Variants in PLPPR3 observed in about 807,000 individuals in gnomAD.
PLPPR3 encodes phospholipid phosphatase related 3, also known as phospholipid phosphatase-related protein type 3.
In PLPPR3, 14 loss-of-function variants were observed where a neutral mutation model predicts 27.3. The ratio of observed to expected loss-of-function variants is 0.51; its 90% CI spans 0.34 to 0.80. The LOEUF (loss-of-function observed/expected upper bound fraction) is 0.80, where lower values mean the gene tolerates loss of function less well. Among genes scored for constraint, PLPPR3 ranks in the 30% least tolerant of loss-of-function variants. The pLI, the probability that PLPPR3 is intolerant of heterozygous loss-of-function variation, is 0.01. For missense variants in PLPPR3, 1,287 were observed against 1,056.9 expected, an observed-to-expected ratio of 1.22 and a Z score of -3.02; for synonymous variants, 671 against 508.0, an observed-to-expected ratio of 1.32 and a Z score of -4.32.
chr19:822,280 G>C (rs1327699906), upstream of PLPPR3, among the ~76,000 whole-genome samples: 1 of 151,384 alleles, frequency 6.6e-6, no homozygotes, highest in Non-Finnish European at 1.5e-5. Context: ...GGGCGCCATC[G>C]AGACGGGGGC....
chr19:821,582 G>T lies in PLPPR3; in HGVS notation c.-23C>A. 2 of 1,467,662 alleles carry T rather than the reference G, an allele frequency of 1.4e-6. No homozygotes were observed. Among genetic ancestry groups the T allele is most frequent in the South Asian group, 1.3e-5 (1 of 76,676 alleles). 90.9% of individuals were successfully genotyped at this position (1,467,662 alleles called of 1,614,324 possible). On this transcript the variant is annotated 5_prime_UTR_variant, in exon 2 of 8. Coordinates refer to ENST00000520876, the MANE Select transcript of PLPPR3 (RefSeq NM_001270366.2). ...CATGGTGCCGCGGGCGCCGCAGGCC[G>T]TGGCTGGAGGGGAGAAAGCGGCGCT...
chr19:821,474 C>T lies in PLPPR3; in HGVS notation c.75+11G>A, dbSNP rs780644488. 6.6e-7 allele frequency: 1 copy of T among 1,510,078 alleles called. No individual in the cohort carries two copies. The highest frequency in any genetic ancestry group is 1.2e-5 in the South Asian group (1 of 80,158). 93.5% of individuals were successfully genotyped at this position (1,510,078 alleles called of 1,614,324 possible). The stretch of plus-strand genomic sequence containing the variant: ...GCGTCTCCCCCGGGCCCCAGCGCGA[C>T]CCCCACCCACCTCCACGAAGTAGAA... On this transcript the variant is annotated intron_variant, in intron 2 of 7. Coordinates refer to ENST00000520876, the MANE Select transcript of PLPPR3 (RefSeq NM_001270366.2).
intron 2 of PLPPR3, among the ~76,000 whole-genome samples, chr19:818,835 C>T (rs1172396112): frequency 1.3e-5 from 2 of 151,832 alleles, no homozygotes; most frequent in African/African-American, 4.8e-5. Context: ...GCACAGCCTA[C>T]TAAAAATGAT....
Position 812,506 on chromosome 19 carries a change from T to G in PLPPR3, c.*64A>C. ...CCGGACCTCGGTTTCTGCCGCTTTA[T>G]TGAGCATCCGCGCGGCCGCCCGCGC... On this transcript the variant is annotated 3_prime_UTR_variant, in exon 8 of 8. Coordinates refer to ENST00000520876, the MANE Select transcript of PLPPR3 (RefSeq NM_001270366.2). 2 of 984,272 alleles carry G rather than the reference T, an allele frequency of 2.0e-6. No individual in the cohort carries two copies. The highest frequency in any genetic ancestry group is 2.4e-6 in the Non-Finnish European group (2 of 827,368). 61.0% of individuals were successfully genotyped at this position (984,272 alleles called of 1,614,324 possible). A position where few individuals can be genotyped will look rare whatever the true frequency, so the allele number is the denominator to read the frequency against.
At chr19:817,645 G>A (rs1017119574) in intron 2 of PLPPR3, among the ~76,000 whole-genome samples, 1 of 152,186 alleles carries the variant, frequency 6.6e-6, no homozygotes, top group Admixed American at 6.5e-5. Context: ...CAGTCCTGGG[G>A]AGGGCACAGG....
At chr19:821,008 C>A (rs746656164) in intron 2 of PLPPR3, among the ~76,000 whole-genome samples, 1 of 152,212 alleles carries the variant, frequency 6.6e-6, no homozygotes, top group African/African-American at 2.4e-5. Flanking sequence ...AACACGTTTC[C>A]GTATTCTGTA....
In PLPPR3 at chr19:812,615, GGCCTCC is replaced by G. The variant is rs904605825; in HGVS notation, c.2106_2111del (p.Ala704_Glu705del). ...CCTGCATCTTGCGGAAGTAGCCCTC[GGCCTCC>G]GCCTCCGCCTCGCGCTCCGCCAGCC... On this transcript the variant is annotated inframe_deletion, in exon 8 of 8. Transcript: ENST00000520876. The G allele has an allele frequency of 2.6e-5, 29 of 1,107,092 alleles. No homozygotes were observed. The highest frequency in any genetic ancestry group is 4.2e-4 in the Middle Eastern group (1 of 2,402). The allele number at this position is 1,107,092 out of a possible 1,614,324, so 68.6% of individuals were successfully genotyped here.
rs763059092 is a variant in PLPPR3 at position 814,464 on chromosome 19, G to A, written c.801C>T (p.Phe267=). The A allele has an allele frequency of 1.9e-6, 3 of 1,606,466 alleles. No individual in the cohort carries two copies. The highest frequency in any genetic ancestry group is 2.2e-5 in the South Asian group (2 of 91,022). Residue 267 remains phenylalanine (F), a synonymous_variant, in exon 7 of 8, where the codon TTC becomes TTT. Transcript: ENST00000520876. ...AGGCAGCGATGCCCGCCCCGATGAG[G>A]AAGCCGGCATACACGTCCACAGGGT... is the stretch of plus-strand genomic sequence containing the variant. ...RSHPVDVYAG[F]LIGAGIAAYL...
chr19:821,609 G>T, intron 1 of PLPPR3, 24 bp from the exon 2 acceptor site: 1 of 1,396,960 alleles, frequency 7.2e-7, no homozygotes, highest in Middle Eastern at 2.3e-4. Context: ...AGCGGCGCTG[G>T]AGGGGGGCGC....
rs1555701799 is a variant in PLPPR3, at chr19:813,347, GTCC to G, written c.1377_1379del (p.Glu459del). The G allele has an allele frequency of 2.4e-5, 35 of 1,474,440 alleles. No homozygotes were observed. The African/African-American group carries it at 2.8e-4, about 12-fold the overall frequency. 91.3% of individuals were successfully genotyped at this position (1,474,440 alleles called of 1,614,324 possible). Reference sequence around the variant, plus strand: ...AGAGCGAGGGCGGGGCCGGGCCCTCGTCCTCCTCCTCTTCCTCCTCCTCCTCTT... The same window carrying G: ...AGAGCGAGGGCGGGGCCGGGCCCTCGTCCTCCTCTTCCTCCTCCTCCTCTT... On this transcript the variant is annotated inframe_deletion, in exon 8 of 8. Transcript: ENST00000520876. This position sits in a 1 kb window ranked among gnomAD's most constrained non-coding sequence, Gnocchi z 4.1.
chr19:815,083 T>A lies in PLPPR3; in HGVS notation c.404-2A>T. 6.2e-7 allele frequency: 1 copy of A among 1,604,866 alleles called. No individual in the cohort carries two copies. The highest frequency in any genetic ancestry group is 1.7e-5 in the Admixed American group (1 of 59,948). On this transcript the variant is annotated splice_acceptor_variant, in intron 4 of 7. Transcript: ENST00000520876. LOFTEE classifies it high-confidence loss of function. ...CACACAGGCCGAACACGTGGACACC[T>A]GCAGGGCGGAAGGCTCGGCCAGGCG...
Position 813,814 on chromosome 19 carries a change from C to A in PLPPR3, c.913G>T (p.Ala305Ser). ...GAGTCGTGGCCCCGCTGCGTCAGGG[C>A]CCGCAGCGCGTCCTTGGCGGGGGCC... is the stretch of plus-strand genomic sequence containing the variant. ...APAPAKDALR[A>S]LTQRGHDSVY... Residue 305 changes from alanine to serine, a missense_variant, in exon 8 of 8, where the codon GCC (alanine) becomes TCC (serine). By Grantham distance (99) the Ala-to-Ser change is moderately conservative. Coordinates refer to ENST00000520876, the MANE Select transcript of PLPPR3 (RefSeq NM_001270366.2). The surrounding 1 kb of genome is among the most constrained non-coding windows in gnomAD (Gnocchi z 4.1). 1 of 1,510,060 alleles carries A rather than the reference C, an allele frequency of 6.6e-7. No individual in the cohort carries two copies. Among genetic ancestry groups the A allele is most frequent in the Non-Finnish European group, 8.8e-7 (1 of 1,136,026 alleles). The allele number at this position is 1,510,060 out of a possible 1,614,324, so 93.5% of individuals were successfully genotyped here.
intron 4 of PLPPR3, 50 bp downstream of exon 4, chr19:815,136 C>A (rs373598945): frequency 3.1e-6 from 5 of 1,600,618 alleles, no homozygotes; most frequent in East Asian, 2.2e-5. Flanking sequence ...GACAGCCCCA[C>A]CCCCTGCATG....
chr19:821,209 C>G (rs2035139228), intron 2 of PLPPR3, among the ~76,000 whole-genome samples: 1 of 147,930 alleles, frequency 6.8e-6, no homozygotes, highest in African/African-American at 2.5e-5. Flanking sequence ...CGACCCCCAG[C>G]CCCTCTGACC....
chr19:813,483 C>G lies in PLPPR3; in HGVS notation c.1244G>C (p.Ser415Thr), dbSNP rs1175392710. The G allele has an allele frequency of 2.6e-6, 4 of 1,546,428 alleles. No homozygotes were observed. Among genetic ancestry groups the G allele is most frequent in the Middle Eastern group, 1.8e-4 (1 of 5,568 alleles). ...KQLISEWKQK[S>T]LEGRGLGLPD... is the part of the protein sequence containing the mutation. ...CAGCCCCAGGCCGCGGCCCTCCAGG[C>G]TCTTCTGCTTCCACTCGCTGATGAG... The change falls in exon 8 of 8, where the codon AGC becomes ACC. Residue 415 changes from serine to threonine, a missense_variant. Ser to Thr is a moderately conservative substitution (Grantham distance 58). Transcript: ENST00000520876. The surrounding 1 kb of genome is among the most constrained non-coding windows in gnomAD (Gnocchi z 4.1).
intron 2 of PLPPR3, among the ~76,000 whole-genome samples, chr19:818,404 AAAT>A (rs931099007): frequency 2.3e-4 from 35 of 151,788 alleles, no homozygotes; most frequent in African/African-American, 5.6e-4. Flanking sequence ...ATAATAAATA[AAAT>A]AATAATAATA....
Position 815,267 on chromosome 19 carries a change from C to T in PLPPR3, c.322G>A (p.Gly108Arg). 1.3e-6 allele frequency: 2 copies of T among 1,560,442 alleles called. No homozygotes were observed. Among genetic ancestry groups the T allele is most frequent in the South Asian group, 2.3e-5 (2 of 85,410 alleles). The change falls in exon 4 of 8, where the codon GGG becomes AGG. Residue 108 changes from glycine (G) to arginine (R), a missense_variant. Physicochemically the swap from Gly to Arg is moderately radical, Grantham distance 125. Coordinates refer to ENST00000520876, the MANE Select transcript of PLPPR3 (RefSeq NM_001270366.2). ...ATGCTGCCCTCCGCCCCGGCGGGCC[C>T]CCCGGCACGGCCCCACAGCCGGGAC... is the stretch of plus-strand genomic sequence containing the variant. Reference protein sequence around the residue: ...LQSRLWGRAGGPAGAEGSINA... With the variant: ...LQSRLWGRAGRPAGAEGSINA...
upstream of PLPPR3, among the ~76,000 whole-genome samples, chr19:823,759 C>T (rs547237912): frequency 2.0e-5 from 3 of 152,100 alleles, no homozygotes; most frequent in Non-Finnish European, 2.9e-5. Context: ...CCATTCGATG[C>T]GATCCTGTTC....
Position 812,882 on chromosome 19 carries a change from GGCCTCCGCCTTGGCCCCGCCGCCC to G in PLPPR3, c.1821_1844del (p.Gly608_Ala615del). The G allele has an allele frequency of 8.2e-7, 1 of 1,216,512 alleles. No individual in the cohort carries two copies. The highest frequency in any genetic ancestry group is 1.0e-6 in the Non-Finnish European group (1 of 972,344). The allele number at this position is 1,216,512 out of a possible 1,614,324, so 75.4% of individuals were successfully genotyped here. The stretch of plus-strand genomic sequence containing the variant: ...GGTCCCCCAGCTCGTAGCCGCCGTC[GGCCTCCGCCTTGGCCCCGCCGCCC>G]GCCGCCTTCCACTCCCAGGGCGCGC... On this transcript the variant is annotated inframe_deletion, in exon 8 of 8. Transcript: ENST00000520876.
Sources: allele counts gnomAD v4.1 joint callset (sites outside exome capture counted in the v4.1 genomes callset), GRCh38; gene constraint gnomAD v4.1.1; non-coding constraint Gnocchi (gnomAD v3.1); transcripts MANE v1.5; gene names NCBI Gene and HGNC (gene_info 2026-07-23, HGNC 2026-07-21).